Variants in LRRC8D observed in about 807,000 individuals in gnomAD.
LRRC8D encodes leucine rich repeat containing 8 VRAC subunit D.
Under a neutral mutation model 55.8 loss-of-function variants are expected in LRRC8D, and 20 were observed. The observed-to-expected ratio is 0.36, with a 90% CI of 0.25 to 0.52. LRRC8D has a LOEUF of 0.52. Ranked by LOEUF, LRRC8D falls within the 20% of genes least tolerant of loss-of-function variation. The probability of loss-of-function intolerance (pLI) is 0.93; values close to 1 mark genes in which losing one functional copy is unlikely to be tolerated. For synonymous variants in LRRC8D, 352 were observed against 377.0 expected (o/e 0.93, Z 0.77); for missense variants, 651 against 1,030.8 (o/e 0.63, Z 5.05).
chr1:89,867,075 T>C (rs570840862), intron 2 of LRRC8D, among the ~76,000 whole-genome samples: 1 of 152,302 alleles, frequency 6.6e-6, no homozygotes, highest in East Asian at 1.9e-4. Flanking sequence ...ACAGTGTTTG[T>C]AGTACATTTA....
intron 2 of LRRC8D, among the ~76,000 whole-genome samples, chr1:89,917,929 C>T (rs1375084844): frequency 1.3e-5 from 2 of 152,040 alleles, no homozygotes; most frequent in African/African-American, 4.8e-5. Context: ...ATACACAACT[C>T]GGTGAATATT....
Position 89,843,719 on chromosome 1 carries a change from G to C in LRRC8D, c.-66G>C, listed in dbSNP as rs1001957900. On this transcript the variant is annotated 5_prime_UTR_variant, in exon 2 of 3. Coordinates refer to ENST00000337338, the MANE Select transcript of LRRC8D (RefSeq NM_001134479.2). The stretch of plus-strand genomic sequence containing the variant: ...TCCTGTCGCCGTGGTTCCAGCCTCC[G>C]GAGCTCGCCCAAGCCGCGTCCCCAG... 7 of 701,760 alleles carry C rather than the reference G, an allele frequency of 1.0e-5. No individual in the cohort carries two copies. The African/African-American group carries it at 1.0e-4, about 10-fold the overall frequency. The allele number at this position is 701,760 out of a possible 1,614,324, so 43.5% of individuals were successfully genotyped here. A position where few individuals can be genotyped will look rare whatever the true frequency, so the allele number is the denominator to read the frequency against.
chr1:89,895,887 C>T (rs905921660), intron 2 of LRRC8D, among the ~76,000 whole-genome samples: 5 of 152,114 alleles, frequency 3.3e-5, no homozygotes, highest in Non-Finnish European at 7.3e-5. Context: ...CTCAGCTCTA[C>T]AGGGAAAACT....
At chr1:89,921,567 G>C (rs1663420501) in intron 2 of LRRC8D, among the ~76,000 whole-genome samples, 1 of 151,784 alleles carries the variant, frequency 6.6e-6, no homozygotes, top group Non-Finnish European at 1.5e-5. Context: ...TTGAGAGAGA[G>C]AGAGTCTTGC....
At chr1:89,902,269 A>G (rs1474179805) in intron 2 of LRRC8D, among the ~76,000 whole-genome samples, 31 of 152,266 alleles carry the variant, frequency 2.0e-4, no homozygotes, top group Non-Finnish European at 1.8e-4. Context: ...CCGTATTAAC[A>G]AAGTGTGCAT....
chr1:89,934,854 A>G lies in LRRC8D; in HGVS notation c.1786A>G (p.Lys596Glu), dbSNP rs1419910955. ...ELRHLKILHV[K>E]SNLTKVPSNI... ...GCGGCACCTTAAGATTCTCCACGTG[A>G]AGAGCAATTTGACCAAAGTTCCCTC... is the stretch of plus-strand genomic sequence containing the variant. Residue 596 changes from lysine (K) to glutamate (E), a missense_variant, in exon 3 of 3, where the codon AAG becomes GAG. Physicochemically the swap from Lys to Glu is moderately conservative, Grantham distance 56. Transcript: ENST00000337338. This position sits in a 1 kb window ranked among gnomAD's most constrained non-coding sequence, Gnocchi z 5.9. 4 of 1,614,024 alleles carry G rather than the reference A, an allele frequency of 2.5e-6. No individual in the cohort carries two copies. The highest frequency in any genetic ancestry group is 2.5e-6 in the Non-Finnish European group (3 of 1,180,024).
Position 89,936,518 on chromosome 1 carries a change from C to A in LRRC8D, c.*873C>A, listed in dbSNP as rs1663861413. ...CAGAATCACAAGTATCATTTAATTT[C>A]TTGCCCTTTTCAGTGTTGTTCTGGT... is the stretch of plus-strand genomic sequence containing the variant. On this transcript the variant is annotated 3_prime_UTR_variant, in exon 3 of 3. Transcript: ENST00000337338. The A allele has an allele frequency of 6.6e-6, 1 of 152,332 alleles. No individual in the cohort carries two copies. Among genetic ancestry groups the A allele is most frequent in the Admixed American group, 6.5e-5 (1 of 15,272 alleles). 9.4% of individuals were successfully genotyped at this position (152,332 alleles called of 1,614,324 possible).
chr1:89,877,216 CTT>C (rs1662168939), intron 2 of LRRC8D, among the ~76,000 whole-genome samples: 1 of 150,800 alleles, frequency 6.6e-6, no homozygotes, highest in Admixed American at 6.6e-5. Context: ...TCAAACAGTT[CTT>C]TCTCTCTCTC....
At position 89,934,060 on chromosome 1, in the gene LRRC8D, A is replaced by G. The variant is rs1431478271; in HGVS notation, c.992A>G (p.Asn331Ser). The G allele has an allele frequency of 1.2e-5, 19 of 1,614,116 alleles. No individual in the cohort carries two copies. The highest frequency in any genetic ancestry group is 3.3e-5 in the Admixed American group (2 of 60,010). The change falls in exon 3 of 3, where the codon AAC becomes AGC. Residue 331 changes from asparagine to serine, a missense_variant. Transcript: ENST00000337338. The surrounding 1 kb of genome is among the most constrained non-coding windows in gnomAD (Gnocchi z 5.9). ...FILCYTANFV[N>S]AISFEHVCKP... ...CTCTGCTATACAGCGAACTTTGTCAACGCAATCAGCTTTGAACACGTCTGC... is the reference window on the plus strand; with the variant it reads ...CTCTGCTATACAGCGAACTTTGTCAGCGCAATCAGCTTTGAACACGTCTGC...
chr1:89,821,374 G>C (rs1334667049), intron 1 of LRRC8D, 83 bp downstream of exon 1: 1 of 152,174 alleles, frequency 6.6e-6, no homozygotes, highest in Non-Finnish European at 1.5e-5. Flanking sequence ...GCCGGAGCGC[G>C]CAACCCTGGC....
At chr1:89,834,723 A>T (rs139255855) in intron 1 of LRRC8D, among the ~76,000 whole-genome samples, 341 of 152,352 alleles carry the variant, frequency 2.2e-3, no homozygotes, top group African/African-American at 7.9e-3. Flanking sequence ...GGGAGGTCTC[A>T]CAAGGAAAAA....
chr1:89,928,795 C>G (rs1570897710), intron 2 of LRRC8D, among the ~76,000 whole-genome samples: 1 of 152,192 alleles, frequency 6.6e-6, no homozygotes, highest in Non-Finnish European at 1.5e-5. Context: ...ATTGACACTT[C>G]AACAGCTGCA....
intron 2 of LRRC8D, among the ~76,000 whole-genome samples, chr1:89,903,155 G>A (rs1292565834): frequency 6.6e-6 from 1 of 152,166 alleles, no homozygotes; most frequent in Non-Finnish European, 1.5e-5. Flanking sequence ...CGCTCTGGCA[G>A]TGTGACTCCT....
chr1:89,859,074 C>T (rs1276704260), intron 2 of LRRC8D, among the ~76,000 whole-genome samples: 1 of 147,940 alleles, frequency 6.8e-6, no homozygotes, highest in African/African-American at 2.7e-5. Context: ...ATTTTCTTTA[C>T]AAAATTTTTG....
rs1197059133 is a variant in LRRC8D, at chr1:89,935,802, A to G, written c.*157A>G. Reference sequence around the variant, plus strand: ...AGAAGGCTGATAGAAGACATAACTGAATGTTCAATGTTTGTAGGGTTTTAA... The same window carrying G: ...AGAAGGCTGATAGAAGACATAACTGGATGTTCAATGTTTGTAGGGTTTTAA... On this transcript the variant is annotated 3_prime_UTR_variant, in exon 3 of 3. Transcript: ENST00000337338. The G allele has an allele frequency of 6.3e-6, 4 of 631,598 alleles. No individual in the cohort carries two copies. The African/African-American group carries it at 7.4e-5, about 12-fold the overall frequency. 39.1% of individuals were successfully genotyped at this position (631,598 alleles called of 1,614,324 possible).
chr1:89,830,677 T>C (rs1478103494), intron 1 of LRRC8D, among the ~76,000 whole-genome samples: 3 of 152,166 alleles, frequency 2.0e-5, no homozygotes, highest in Non-Finnish European at 4.4e-5. Context: ...CGCGTGGGAA[T>C]GTGGGCCGGT....
intron 2 of LRRC8D, among the ~76,000 whole-genome samples, chr1:89,917,234 C>A (rs990945589): frequency 1.3e-5 from 2 of 152,086 alleles, no homozygotes; most frequent in African/African-American, 4.8e-5. Context: ...TATTCAATAC[C>A]TTTTCTACCA....
At position 89,934,698 on chromosome 1, in the gene LRRC8D, G is replaced by T. The variant is rs1279203117; in HGVS notation, c.1630G>T (p.Val544Leu). The T allele has an allele frequency of 1.2e-6, 2 of 1,614,180 alleles. No homozygotes were observed. The highest frequency in any genetic ancestry group is 1.7e-6 in the Non-Finnish European group (2 of 1,180,046). The change falls in exon 3 of 3, where the codon GTG becomes TTG. Residue 544 changes from valine to leucine, a missense_variant. Around this residue, in one of 5 missense-constraint regions of LRRC8D, gnomAD observed 338 missense variants for 479.4 expected, o/e 0.71. Transcript: ENST00000337338. The surrounding 1 kb of genome is among the most constrained non-coding windows in gnomAD (Gnocchi z 5.9). ...FLRDHLRCLH[V>L]KFTDVAEIPA... ...TCGCGATCACTTGAGATGCCTTCAC[G>T]TGAAGTTCACTGATGTGGCTGAAAT...
intron 2 of LRRC8D, among the ~76,000 whole-genome samples, chr1:89,918,346 C>T (rs1367543085): frequency 6.6e-6 from 1 of 152,230 alleles, no homozygotes; most frequent in East Asian, 1.9e-4. Flanking sequence ...AACACTTGCA[C>T]ATGGTATTCT....
Sources: gnomAD v4.1 joint callset for allele counts (sites outside exome capture counted in the v4.1 genomes callset) on GRCh38, gnomAD v4.1.1 for gene constraint, gnomAD v4.1.1 regional missense constraint, Gnocchi (gnomAD v3.1) non-coding constraint, MANE v1.5 for transcripts, NCBI Gene and HGNC (gene_info 2026-07-23, HGNC 2026-07-21) for gene names.